DOCK1: variants seen among roughly 807,000 people sequenced by gnomAD.
DOCK1 encodes the protein dedicator of cytokinesis 1.
In DOCK1, 138 loss-of-function variants were observed where a neutral mutation model predicts 262.7. The observed-to-expected ratio is 0.53, with a 90% CI of 0.46 to 0.61. The LOEUF is 0.61. DOCK1 is among the 20% of genes least tolerant of loss of function. The probability of loss-of-function intolerance (pLI) is 0.00; values close to 1 mark genes in which losing one functional copy is unlikely to be tolerated. For missense variants in DOCK1, 1,908 were observed against 2,370.7 expected, an observed-to-expected ratio of 0.80 and a Z score of 4.05; for synonymous variants, 866 against 867.4, an observed-to-expected ratio of 1.00 and a Z score of 0.03.
At chr10:127,378,728 G>T (rs1383289330) in intron 35 of DOCK1, among the ~76,000 whole-genome samples, 1 of 152,226 alleles carries the variant, frequency 6.6e-6, no homozygotes, top group African/African-American at 2.4e-5. Context: ...ACCGTAGCTT[G>T]TAAATACTGG....
intron 27 of DOCK1, among the ~76,000 whole-genome samples, chr10:127,130,789 C>G (rs984241959): frequency 2.0e-5 from 3 of 152,204 alleles, no homozygotes; most frequent in African/African-American, 7.2e-5. Flanking sequence ...CATGGCAGCA[C>G]TTGTTTCCAG....
At chr10:127,169,128 A>G (rs1409881032) in intron 27 of DOCK1, among the ~76,000 whole-genome samples, 1 of 152,160 alleles carries the variant, frequency 6.6e-6, no homozygotes, top group Non-Finnish European at 1.5e-5. Flanking sequence ...GGAGAATGAG[A>G]CCTTTTTCAT....
intron 6 of DOCK1, among the ~76,000 whole-genome samples, chr10:126,993,466 C>G (rs1472625555): frequency 1.3e-5 from 2 of 152,232 alleles, no homozygotes; most frequent in Admixed American, 6.5e-5. Context: ...CGTCACTGAC[C>G]CTGCCTGTAC....
chr10:127,381,055 A>G (rs1320353563), intron 36 of DOCK1, among the ~76,000 whole-genome samples: 2 of 152,192 alleles, frequency 1.3e-5, no homozygotes, highest in African/African-American at 4.8e-5. Context: ...AGGAATGAAA[A>G]ATTTGAAGGA....
intron 38 of DOCK1, among the ~76,000 whole-genome samples, chr10:127,397,302 G>A (rs56039851): frequency 3.6e-4 from 37 of 101,684 alleles, no homozygotes; most frequent in East Asian, 6.0e-4. Context: ...TTACACGGGC[G>A]GCAACTCCTA....
chr10:127,068,309 C>T (rs2045994016), intron 23 of DOCK1, among the ~76,000 whole-genome samples: 1 of 152,148 alleles, frequency 6.6e-6, no homozygotes. Flanking sequence ...ACACATAGAA[C>T]TTTACTGTCC....
intron 29 of DOCK1, among the ~76,000 whole-genome samples, chr10:127,327,043 G>C (rs544534976): frequency 7.2e-5 from 11 of 152,314 alleles, no homozygotes; most frequent in African/African-American, 2.4e-4. Context: ...TGTCATCCAG[G>C]CTCTCTTCTT....
chr10:127,228,599 C>G (rs369615315), intron 27 of DOCK1, among the ~76,000 whole-genome samples: 6 of 152,160 alleles, frequency 3.9e-5, no homozygotes, highest in Non-Finnish European at 2.9e-5. Flanking sequence ...CATGGTGGAG[C>G]TCTGCAGGTG....
chr10:127,259,338 T>G (rs1037930889), intron 29 of DOCK1, among the ~76,000 whole-genome samples: 4 of 152,224 alleles, frequency 2.6e-5, no homozygotes, highest in Non-Finnish European at 5.9e-5. Context: ...TTTTCTCTGT[T>G]AGGATGAACT....
chr10:127,362,965 ACATACACATACACATACACATCCCCCCC>A (rs1565027206), intron 33 of DOCK1, among the ~76,000 whole-genome samples: 3 of 30,518 alleles, frequency 9.8e-5, no homozygotes, highest in African/African-American at 2.5e-4. Context: ...GTGCATCCCC[ACATACACATACACATACACATCCCCCCC>A]CACACACACA....
intron 29 of DOCK1, among the ~76,000 whole-genome samples, chr10:127,303,527 A>G (rs1312554355): frequency 6.6e-6 from 1 of 152,024 alleles, no homozygotes; most frequent in Non-Finnish European, 1.5e-5. Flanking sequence ...ACACTTAAAA[A>G]AAAGAAAAAA....
In DOCK1 at chr10:127,024,699, G is replaced by C. The variant is rs757628736; in HGVS notation, c.1467G>C (p.Pro489=). ...TTCTTTTAAAGCATGTGATTTTCCC[G>C]GGTGCTGGTGATGAAGCGATTTCAG... The part of the protein sequence containing the change: ...DGKRLEHVIF[P]GAGDEAISEY... Residue 489 remains proline, a synonymous_variant, in exon 15 of 52, where the codon CCG becomes CCC. Coordinates refer to ENST00000623213, the MANE Select transcript of DOCK1 (RefSeq NM_001290223.2). 6.2e-7 allele frequency: 1 copy of C among 1,611,050 alleles called. No homozygotes were observed. Among genetic ancestry groups the C allele is most frequent in the Non-Finnish European group, 8.5e-7 (1 of 1,178,784 alleles).
At chr10:127,086,849 A>G (rs1323433917) in intron 23 of DOCK1, among the ~76,000 whole-genome samples, 1 of 152,232 alleles carries the variant, frequency 6.6e-6, no homozygotes, top group South Asian at 2.1e-4. Flanking sequence ...CTATACATGA[A>G]TATTAGATAG....
At chr10:127,440,844 A>C (rs953645213) in intron 49 of DOCK1, among the ~76,000 whole-genome samples, 1 of 152,158 alleles carries the variant, frequency 6.6e-6, no homozygotes, top group African/African-American at 2.4e-5. Flanking sequence ...GGCTGGCCTG[A>C]AGTACCCAGA....
intron 23 of DOCK1, among the ~76,000 whole-genome samples, chr10:127,103,760 G>A (rs1592040163): frequency 6.6e-6 from 1 of 152,136 alleles, no homozygotes; most frequent in Non-Finnish European, 1.5e-5. Context: ...ACCTTATGAG[G>A]ATGCCTTCAG....
intron 27 of DOCK1, among the ~76,000 whole-genome samples, chr10:127,157,284 C>A (rs2053175101): frequency 1.3e-5 from 2 of 152,116 alleles, no homozygotes; most frequent in Non-Finnish European, 2.9e-5. Context: ...GTGTTAACAT[C>A]CTGCAGTGGG....
chr10:127,393,622 G>A (rs2066636222), intron 38 of DOCK1, among the ~76,000 whole-genome samples: 1 of 152,122 alleles, frequency 6.6e-6, no homozygotes, highest in Non-Finnish European at 1.5e-5. Flanking sequence ...TGATATTAAA[G>A]TTTCTCTGCC....
At chr10:126,922,209 C>CAAAAA (rs1213635501) in intron 1 of DOCK1, among the ~76,000 whole-genome samples, 1 of 63,940 alleles carries the variant, frequency 1.6e-5, no homozygotes, top group African/African-American at 6.2e-5. Context: ...GACCCTGTAT[C>CAAAAA]AAAAAAAAAA....
chr10:127,119,928 T>G (rs951227018), intron 25 of DOCK1, among the ~76,000 whole-genome samples: 5 of 152,252 alleles, frequency 3.3e-5, no homozygotes, highest in Non-Finnish European at 7.3e-5. Context: ...TATTTTTTAC[T>G]CTGTCCTCAT....
Sources: gnomAD v4.1 joint callset for allele counts (sites outside exome capture counted in the v4.1 genomes callset) on GRCh38, gnomAD v4.1.1 for gene constraint, MANE v1.5 for transcripts, NCBI Gene and HGNC (gene_info 2026-07-23, HGNC 2026-07-21) for gene names.